ANKRD28: variants seen among roughly 807,000 people sequenced by gnomAD.
ANKRD28 encodes serine/threonine-protein phosphatase 6 regulatory ankyrin repeat subunit A.
In ANKRD28, 44 loss-of-function variants were observed where a neutral mutation model predicts 126.5. The observed-to-expected ratio is 0.35, with a 90% CI of 0.27 to 0.45. ANKRD28 has a LOEUF of 0.45. Among genes scored for constraint, ANKRD28 ranks in the 20% least tolerant of loss-of-function variants. The pLI, the probability that ANKRD28 is intolerant of heterozygous loss-of-function variation, is 1.00. For synonymous variants in ANKRD28, 442 were observed against 468.5 expected (o/e 0.94, Z 0.73); for missense variants, 1,110 against 1,316.6 (o/e 0.84, Z 2.43).
Position 15,746,379 on chromosome 3 carries a change from T to A in ANKRD28, c.351+5371A>T, listed in dbSNP as rs116080867. Among the ~76,000 whole-genome samples, 667 of 152,330 alleles carry A rather than the reference T, an allele frequency of 4.4e-3. 3 individuals are homozygous for A. Among genetic ancestry groups the A allele is most frequent in the African/African-American group, 0.015 (634 of 41,572 alleles). Reference sequence around the variant, plus strand: ...ACAGCTTCTATTACCTTAAGATATGTCCCTTCTATGCTGATGTTGCTGACA... The same window carrying A: ...ACAGCTTCTATTACCTTAAGATATGACCCTTCTATGCTGATGTTGCTGACA... On this transcript the variant is annotated intron_variant, in intron 4 of 27. Coordinates refer to ENST00000683139, the MANE Select transcript of ANKRD28 (RefSeq NM_001349278.2).
rs1487720951 is a variant in ANKRD28 at position 15,816,952 on chromosome 3, T to C, written c.28-21646A>G. Among the ~76,000 whole-genome samples, 1 of 152,064 alleles carries C rather than the reference T, an allele frequency of 6.6e-6. No individual in the cohort carries two copies. The highest frequency in any genetic ancestry group is 2.1e-4 in the South Asian group (1 of 4,822). On this transcript the variant is annotated intron_variant, in intron 1 of 27. Coordinates refer to the ANKRD28 transcript ENST00000399451. This position sits in a 1 kb window ranked among gnomAD's most constrained non-coding sequence, Gnocchi z 5.0. Reference sequence around the variant, plus strand: ...GGCTCATGCCTGTAATCCCAGCACTTTGGGAGGCCAAAGTGAGAGGATCAC... The same window carrying C: ...GGCTCATGCCTGTAATCCCAGCACTCTGGGAGGCCAAAGTGAGAGGATCAC...
intron 3 of ANKRD28, among the ~76,000 whole-genome samples, chr3:15,765,929 A>AT (rs2058717056): frequency 6.6e-6 from 1 of 151,628 alleles, no homozygotes; most frequent in African/African-American, 2.4e-5. Context: ...CTACCTTTCA[A>AT]TTTTTTCAAA....
intron 3 of ANKRD28, among the ~76,000 whole-genome samples, chr3:15,762,224 A>AAAAAAAC (rs2058521403): frequency 1.9e-5 from 2 of 107,700 alleles, no homozygotes; most frequent in African/African-American, 6.7e-5. Context: ...CAAAACAAAA[A>AAAAAAAC]AAAAAAAACT....
intron 27 of ANKRD28, 140 bp downstream of exon 27, chr3:15,675,758 C>T: frequency 1.6e-6 from 1 of 640,568 alleles, no homozygotes; most frequent in East Asian, 3.1e-5. Flanking sequence ...GCCCTTATTC[C>T]TTTGCCACAA....
intron 1 of ANKRD28, among the ~76,000 whole-genome samples, chr3:15,806,126 GT>G (rs935602369): frequency 6.6e-6 from 1 of 152,192 alleles, no homozygotes. Flanking sequence ...AGGAAGGTAT[GT>G]TTGTAATGTG....
chr3:15,755,380 A>T (rs1050606605), intron 3 of ANKRD28, among the ~76,000 whole-genome samples: 3 of 152,248 alleles, frequency 2.0e-5, no homozygotes, highest in Admixed American at 2.0e-4. Flanking sequence ...TAAAATGAAA[A>T]AGAGTGTAAA....
chr3:15,723,127 T>C (rs1371117102), intron 7 of ANKRD28, among the ~76,000 whole-genome samples: 1 of 152,190 alleles, frequency 6.6e-6, no homozygotes, highest in African/African-American at 2.4e-5. Context: ...GCCTCATTTA[T>C]CTAGATCAAG....
At chr3:15,723,757 A>G (rs1039862790) in intron 7 of ANKRD28, among the ~76,000 whole-genome samples, 1 of 152,100 alleles carries the variant, frequency 6.6e-6, no homozygotes, top group Non-Finnish European at 1.5e-5. Context: ...GGAGACAGAG[A>G]CCCTGTTTAA....
At position 15,815,077 on chromosome 3, in the gene ANKRD28, T is replaced by A. The variant is rs2060805882; in HGVS notation, c.28-19771A>T. ...GTAAATATTTGGGTTGCTTCTATTT[T>A]AAAATTCATATATAATAATTTTTCT... On this transcript the variant is annotated intron_variant, in intron 1 of 27. Transcript: ENST00000399451. This position sits in a 1 kb window ranked among gnomAD's most constrained non-coding sequence, Gnocchi z 4.1. Among the ~76,000 whole-genome samples, 1 of 151,612 alleles carries A rather than the reference T, an allele frequency of 6.6e-6. No homozygotes were observed. Among genetic ancestry groups the A allele is most frequent in the Admixed American group, 6.6e-5 (1 of 15,212 alleles).
Position 15,676,842 on chromosome 3 carries a change from A to C in ANKRD28, c.2873+132T>G, listed in dbSNP as rs1481171322. The C allele has an allele frequency of 4.9e-6, 3 of 609,352 alleles. No homozygotes were observed. The African/African-American group carries it at 5.7e-5, about 12-fold the overall frequency. The allele number at this position is 609,352 out of a possible 1,614,324, so 37.7% of individuals were successfully genotyped here. A position where few individuals can be genotyped will look rare whatever the true frequency, so the allele number is the denominator to read the frequency against. On this transcript the variant is annotated intron_variant, in intron 26 of 27. Coordinates refer to ENST00000683139, the MANE Select transcript of ANKRD28 (RefSeq NM_001349278.2). ...GATCATTTTAGAAATGAGTTTTGAC[A>C]GTTGTAAAACTATTAAAATTGCTTC...
chr3:15,853,369 AT>A lies in ANKRD28; in HGVS notation c.27+6007del, dbSNP rs904219773. On this transcript the variant is annotated intron_variant, in intron 1 of 27. Transcript: ENST00000399451. The surrounding 1 kb of genome is among the most constrained non-coding windows in gnomAD (Gnocchi z 4.2). Reference sequence around the variant, plus strand: ...TATAAATTTTACATTAGACTAGAAAATTAAAAAGGAAATAAGACAAAATGCT... The same window carrying A: ...TATAAATTTTACATTAGACTAGAAAATAAAAAGGAAATAAGACAAAATGCT... 1.3e-5 allele frequency among the ~76,000 whole-genome samples: 2 copies of A among 152,218 alleles called. No homozygotes were observed. Among genetic ancestry groups the A allele is most frequent in the African/African-American group, 4.8e-5 (2 of 41,454 alleles).
chr3:15,703,776 G>A (rs886216141), intron 14 of ANKRD28, among the ~76,000 whole-genome samples: 4 of 152,232 alleles, frequency 2.6e-5, no homozygotes, highest in African/African-American at 7.2e-5. Context: ...GTAATGGATA[G>A]AGGACGGAAG....
chr3:15,772,140 A>C (rs2059044974), intron 2 of ANKRD28, among the ~76,000 whole-genome samples: 1 of 152,166 alleles, frequency 6.6e-6, no homozygotes, highest in Non-Finnish European at 1.5e-5. Flanking sequence ...TTAAATCAAT[A>C]ATTTAAGCTT....
intron 14 of ANKRD28, among the ~76,000 whole-genome samples, chr3:15,706,345 G>GT (rs1355019183): frequency 1.4e-5 from 2 of 140,634 alleles, no homozygotes; most frequent in African/African-American, 2.7e-5. Context: ...GTGGTGTTTG[G>GT]TTTTTTGTCC....
intron 2 of ANKRD28, among the ~76,000 whole-genome samples, chr3:15,767,801 T>C (rs528154448): frequency 7.8e-4 from 104 of 133,992 alleles, no homozygotes; most frequent in African/African-American, 2.9e-3. Flanking sequence ...GGCAGGAGAA[T>C]AGCATGAACC....
At chr3:15,762,232 AC>A (rs2058524736) in intron 3 of ANKRD28, among the ~76,000 whole-genome samples, 5 of 144,938 alleles carry the variant, frequency 3.4e-5, no homozygotes, top group African/African-American at 1.0e-4. Context: ...AAAAAAAAAA[AC>A]TCTCCTGGTT....
chr3:15,796,837 T>G lies in ANKRD28; in HGVS notation c.-316A>C, dbSNP rs2060299157. 1.0e-6 allele frequency: 1 copy of G among 988,208 alleles called. No individual in the cohort carries two copies. Among genetic ancestry groups the G allele is most frequent in the Non-Finnish European group, 1.2e-6 (1 of 831,680 alleles). The allele number at this position is 988,208 out of a possible 1,614,324, so 61.2% of individuals were successfully genotyped here. A position where few individuals can be genotyped will look rare whatever the true frequency, so the allele number is the denominator to read the frequency against. ...CAAGCTCATTTAAAAATATTTTTCC[T>G]CTACCAAAATAGTCTTATTGCTCTA... On this transcript the variant is annotated 5_prime_UTR_variant, in exon 1 of 28. Coordinates refer to ENST00000683139, the MANE Select transcript of ANKRD28 (RefSeq NM_001349278.2).
intron 14 of ANKRD28, among the ~76,000 whole-genome samples, chr3:15,704,842 A>C (rs1202852740): frequency 6.6e-6 from 1 of 152,214 alleles, no homozygotes; most frequent in East Asian, 1.9e-4. Context: ...CCCATGGAAC[A>C]AATCATTGAA....
chr3:15,728,822 T>C (rs984849257), intron 6 of ANKRD28, among the ~76,000 whole-genome samples: 3 of 152,198 alleles, frequency 2.0e-5, no homozygotes, highest in Admixed American at 6.5e-5. Context: ...CACCAGATCT[T>C]AACCAACTTA....
Sources: gnomAD v4.1 joint callset for allele counts (sites outside exome capture counted in the v4.1 genomes callset) on GRCh38, gnomAD v4.1.1 for gene constraint, Gnocchi (gnomAD v3.1) non-coding constraint, MANE v1.5 for transcripts, NCBI Gene and HGNC (gene_info 2026-07-23, HGNC 2026-07-21) for gene names.